EIF2D: variants seen among roughly 807,000 people sequenced by gnomAD.
EIF2D encodes hepatocellular carcinoma-associated antigen 56.
EIF2D carries 56 observed loss-of-function variants against 77.4 expected under a neutral mutation model. The ratio of observed to expected loss-of-function variants is 0.72; its 90% CI spans 0.58 to 0.90. EIF2D has a LOEUF of 0.90. Among genes scored for constraint, EIF2D ranks in the 40% least tolerant of loss-of-function variants. EIF2D has a pLI of 0.00. For synonymous variants in EIF2D, 230 were observed against 271.0 expected, an observed-to-expected ratio of 0.85 and a Z score of 1.49; for missense variants, 574 against 706.5, an observed-to-expected ratio of 0.81 and a Z score of 2.13.
intron 5 of EIF2D, among the ~76,000 whole-genome samples, chr1:206,571,746 G>A (rs1016692370): frequency 6.6e-6 from 1 of 152,252 alleles, no homozygotes; most frequent in African/African-American, 2.4e-5. Context: ...TTTTCAGGCA[G>A]AATGGTCAGA....
downstream of EIF2D, chr1:206,588,318 T>C (rs1336359421): frequency 2.6e-5 from 4 of 152,512 alleles, no homozygotes; most frequent in African/African-American, 9.7e-5. Context: ...CTCCAATCAG[T>C]GATACCAGAC....
At chr1:206,605,229 C>T (rs1249297369) in intron 5 of EIF2D, 171 bp downstream of exon 5, 3 of 510,710 alleles carry the variant, frequency 5.9e-6, no homozygotes, top group Non-Finnish European at 1.0e-5. Context: ...ATTACTTGTC[C>T]AAACAGGGGA....
At chr1:206,586,951 A>C (rs1553407796), downstream of EIF2D, 1 of 1,614,180 alleles carries the variant, frequency 6.2e-7, no homozygotes, top group East Asian at 2.2e-5. Flanking sequence ...AGGAGGCCTT[A>C]AGAGAATCCC....
chr1:206,608,027 G>C (rs1038449751), intron 4 of EIF2D, among the ~76,000 whole-genome samples: 3 of 152,196 alleles, frequency 2.0e-5, no homozygotes, highest in Middle Eastern at 6.8e-3. Flanking sequence ...AGAAAACAGA[G>C]CAGCAACAGC....
downstream of EIF2D, chr1:206,587,080 A>G (rs1669149021): frequency 4.2e-6 from 6 of 1,415,982 alleles, 1 homozygote; most frequent in African/African-American, 8.5e-5. Context: ...TGGCAGGTGC[A>G]TTTGTGCCTG....
In EIF2D at chr1:206,584,327, G is replaced by A; in HGVS notation, c.139-3165C>T. Reference sequence around the variant, plus strand: ...GCTGCTGGGGCAATGGCCCCGAGTGGCAGATATGATCATGCAAGGCGGACG... The same window carrying A: ...GCTGCTGGGGCAATGGCCCCGAGTGACAGATATGATCATGCAAGGCGGACG... On this transcript the variant is annotated intron_variant and NMD_transcript_variant, in intron 2 of 5. Transcript: ENST00000472709. This position sits in a 1 kb window ranked among gnomAD's most constrained non-coding sequence, Gnocchi z 4.9. The A allele has an allele frequency of 6.6e-7, 1 of 1,518,996 alleles. No homozygotes were observed. Among genetic ancestry groups the A allele is most frequent in the Non-Finnish European group, 8.9e-7 (1 of 1,123,294 alleles). The allele number at this position is 1,518,996 out of a possible 1,614,324, so 94.1% of individuals were successfully genotyped here.
Position 206,600,321 on chromosome 1 carries a change from G to A in EIF2D, c.903-13C>T, listed in dbSNP as rs1173480678. On this transcript the variant is annotated splice_polypyrimidine_tract_variant and intron_variant, in intron 7 of 14. Transcript: ENST00000271764. The stretch of plus-strand genomic sequence containing the variant: ...TCGTCCTTCGGGGCTGATGGCAGAT[G>A]GAAAAGGCAAATTAAACTAATGAGC... 1.9e-6 allele frequency: 3 copies of A among 1,613,224 alleles called. No individual in the cohort carries two copies. The highest frequency in any genetic ancestry group is 1.6e-4 in the Middle Eastern group (1 of 6,078).
At chr1:206,588,103 G>C (rs1669197159), downstream of EIF2D, 1 of 152,786 alleles carries the variant, frequency 6.5e-6, no homozygotes, top group Non-Finnish European at 1.5e-5. Flanking sequence ...AGAGCCGGTG[G>C]GCCTGGCCTC....
At chr1:206,602,762 C>T (rs1026069872) in intron 6 of EIF2D, 189 bp downstream of exon 6, 28 of 854,158 alleles carry the variant, frequency 3.3e-5, no homozygotes, top group Non-Finnish European at 4.4e-5. Flanking sequence ...CCCAGGAAGA[C>T]GTGACTTATG....
intron 4 of EIF2D, among the ~76,000 whole-genome samples, chr1:206,575,000 C>T (rs1183884837): frequency 1.3e-5 from 2 of 151,154 alleles, no homozygotes; most frequent in Non-Finnish European, 2.9e-5. Flanking sequence ...GTTGGGATTA[C>T]AGGCGCACGG....
At chr1:206,595,690 C>T (rs1553409875) in intron 13 of EIF2D, 28 bp downstream of exon 13, 4 of 1,609,904 alleles carry the variant, frequency 2.5e-6, no homozygotes, top group Non-Finnish European at 2.5e-6. Flanking sequence ...AATCACTATC[C>T]TTGAACATTG....
At chr1:206,594,690 TC>T (rs1211560790) in intron 13 of EIF2D, 1 of 152,148 alleles carries the variant, frequency 6.6e-6, no homozygotes, top group Non-Finnish European at 1.5e-5. Flanking sequence ...AACTACATCC[TC>T]CCCTGACAAG....
intron 4 of EIF2D, among the ~76,000 whole-genome samples, chr1:206,576,473 T>C (rs1553405222): frequency 1.3e-5 from 2 of 152,164 alleles, no homozygotes; most frequent in African/African-American, 4.8e-5. Context: ...TTTGTCTTCT[T>C]GTGAAAAGTG....
chr1:206,596,013 T>C (rs181948041), intron 12 of EIF2D, among the ~76,000 whole-genome samples, 175 bp from the exon 13 acceptor site: 5 of 150,892 alleles, frequency 3.3e-5, no homozygotes, highest in Middle Eastern at 3.4e-3. Context: ...GAAATCTGTA[T>C]CTCTGACTAG....
At chr1:206,605,175 G>A (rs1389443135) in intron 5 of EIF2D, 3 of 407,474 alleles carry the variant, frequency 7.4e-6, no homozygotes, top group Non-Finnish European at 1.3e-5. Flanking sequence ...TCTTCCTTTG[G>A]GTCTAAGATT....
rs1275467654 is a variant in EIF2D, at chr1:206,584,799, G to A, written c.139-3637C>T. On this transcript the variant is annotated intron_variant and NMD_transcript_variant, in intron 2 of 5. Coordinates refer to the EIF2D transcript ENST00000472709. This position sits in a 1 kb window ranked among gnomAD's most constrained non-coding sequence, Gnocchi z 4.9. ...GCTGTGGGCTTCTCCTGAGCACCAG[G>A]GGTCCAGCTGCCCATGTGGTGTTCA... 2.3e-5 allele frequency: 25 copies of A among 1,095,136 alleles called. No individual in the cohort carries two copies. The highest frequency in any genetic ancestry group is 3.3e-5 in the Non-Finnish European group (25 of 753,690). 67.8% of individuals were successfully genotyped at this position (1,095,136 alleles called of 1,614,324 possible).
chr1:206,600,125 C>T (rs1553411004), intron 8 of EIF2D, 138 bp downstream of exon 8: 23 of 870,180 alleles, frequency 2.6e-5, no homozygotes, highest in East Asian at 7.9e-5. Flanking sequence ...TTCTTTCTTC[C>T]CCCTTATACT....
intron 2 of EIF2D, chr1:206,585,379 A>G: frequency 1.0e-6 from 1 of 956,484 alleles, no homozygotes; most frequent in East Asian, 2.4e-5. Context: ...TACCTCACAT[A>G]GGTGGGAGCC....
intron 2 of EIF2D, 53 bp downstream of exon 2, chr1:206,611,131 T>A: frequency 6.7e-7 from 1 of 1,493,534 alleles, no homozygotes; most frequent in South Asian, 1.3e-5. Flanking sequence ...GAGAAGCAGA[T>A]GTTAGGCAAG....
Sources: allele counts gnomAD v4.1 joint callset (sites outside exome capture counted in the v4.1 genomes callset), GRCh38; gene constraint gnomAD v4.1.1; non-coding constraint Gnocchi (gnomAD v3.1); transcripts MANE v1.5; gene names NCBI Gene and HGNC (gene_info 2026-07-23, HGNC 2026-07-21).